Variants in SPHKAP observed in about 807,000 individuals in gnomAD.
SPHKAP encodes the protein A-kinase anchor protein SPHKAP.
A neutral mutation model predicts 137.5 loss-of-function variants in SPHKAP; 67 were observed. The ratio of observed to expected loss-of-function variants is 0.49; its 90% CI spans 0.40 to 0.60. SPHKAP has a LOEUF of 0.60. Ranked by LOEUF, SPHKAP falls within the 20% of genes least tolerant of loss-of-function variation. SPHKAP has a pLI of 0.00. For synonymous variants in SPHKAP, 813 were observed against 785.3 expected, an observed-to-expected ratio of 1.04 and a Z score of -0.59; for missense variants, 2,097 against 2,069.3, an observed-to-expected ratio of 1.01 and a Z score of -0.26.
At chr2:228,158,326 CTTT>C (rs55897294) in intron 1 of SPHKAP, among the ~76,000 whole-genome samples, 1 of 133,080 alleles carries the variant, frequency 7.5e-6, no homozygotes, top group Non-Finnish European at 1.6e-5. Flanking sequence ...TTACTTCTTT[CTTT>C]TTTTTTTTTT....
At chr2:228,150,579 ATT>A (rs1699897529) in intron 1 of SPHKAP, among the ~76,000 whole-genome samples, 1 of 152,066 alleles carries the variant, frequency 6.6e-6, no homozygotes, top group East Asian at 1.9e-4. Context: ...ATAATGTTAT[ATT>A]ATTGATAATA....
At chr2:228,041,456 C>T (rs1265502243) in intron 3 of SPHKAP, among the ~76,000 whole-genome samples, 2 of 151,940 alleles carry the variant, frequency 1.3e-5, no homozygotes, top group Non-Finnish European at 2.9e-5. Flanking sequence ...ACCAGCCTGG[C>T]CAACATGGCG....
At chr2:228,040,946 T>A (rs1045824942) in intron 3 of SPHKAP, among the ~76,000 whole-genome samples, 1 of 152,154 alleles carries the variant, frequency 6.6e-6, no homozygotes, top group African/African-American at 2.4e-5. Flanking sequence ...TTCCTGAAAG[T>A]AGGCCCTAAG....
intron 7 of SPHKAP, among the ~76,000 whole-genome samples, chr2:228,002,469 C>A (rs1267644657): frequency 6.6e-6 from 1 of 151,978 alleles, no homozygotes; most frequent in East Asian, 1.9e-4. Context: ...GGATATTAGC[C>A]CTTTGTCAGA....
At position 228,100,691 on chromosome 2, in the gene SPHKAP, C is replaced by A. The variant is rs145391994; in HGVS notation, c.246+8141G>T. Reference sequence around the variant, plus strand: ...CCAGCCCTGCATCTTAAAATTAAAGCCTACTTGATAGTAGTGAATCAACTT... The same window carrying A: ...CCAGCCCTGCATCTTAAAATTAAAGACTACTTGATAGTAGTGAATCAACTT... On this transcript the variant is annotated intron_variant, in intron 3 of 11. Transcript: ENST00000392056. Among the ~76,000 whole-genome samples, 43 of 152,226 alleles carry A rather than the reference C, an allele frequency of 2.8e-4. 1 individual carries two copies. The East Asian group carries it at 7.9e-3, about 28-fold the overall frequency.
intron 7 of SPHKAP, 111 bp downstream of exon 7, chr2:228,016,295 T>G: frequency 7.0e-7 from 1 of 1,437,208 alleles, no homozygotes. Flanking sequence ...GTCTTGAAAA[T>G]TTAGTTCTTG....
intron 11 of SPHKAP, 170 bp downstream of exon 11, chr2:227,990,830 T>C (rs1693385437): frequency 1.5e-6 from 1 of 679,534 alleles, no homozygotes; most frequent in African/African-American, 1.8e-5. Context: ...ACGCTAAGTA[T>C]ATTATATTTA....
chr2:228,153,006 G>A (rs1300751382), intron 1 of SPHKAP, among the ~76,000 whole-genome samples: 1 of 152,076 alleles, frequency 6.6e-6, no homozygotes, highest in Non-Finnish European at 1.5e-5. Context: ...GAGAGCTGAT[G>A]GTTTTATAAG....
At position 228,018,539 on chromosome 2, in the gene SPHKAP, G is replaced by T. The variant is rs201294750; in HGVS notation, c.2315C>A (p.Ser772Tyr). 20 of 1,613,884 alleles carry T rather than the reference G, an allele frequency of 1.2e-5. No homozygotes were observed. The African/African-American group carries it at 2.7e-4, about 22-fold the overall frequency. The change falls in exon 7 of 12, where the codon TCT becomes TAT. Residue 772 changes from serine to tyrosine, a missense_variant. Coordinates refer to ENST00000392056, the MANE Select transcript of SPHKAP (RefSeq NM_001142644.2). ...WTKATESSSSSPLSNSHNTSL... is the reference protein window; with the variant it reads ...WTKATESSSSYPLSNSHNTSL... The stretch of plus-strand genomic sequence containing the variant: ...CGTGTTGTGTGAATTGCTAAGTGGA[G>T]AGCTGCTGGAGGATTCAGTGGCTTT...
intron 3 of SPHKAP, among the ~76,000 whole-genome samples, chr2:228,071,485 T>C (rs913974975): frequency 2.0e-5 from 3 of 152,240 alleles, no homozygotes; most frequent in Non-Finnish European, 4.4e-5. Flanking sequence ...GTTCTCCGGC[T>C]TTACACTCTT....
rs138471958 is a variant in SPHKAP at position 228,018,967 on chromosome 2, C to T, written c.1887G>A (p.Arg629=). 1.1e-4 allele frequency: 184 copies of T among 1,614,144 alleles called. 1 individual carries two copies. In the East Asian group the frequency reaches 2.1e-3, roughly 19 times the overall value. Residue 629 remains arginine, a synonymous_variant, in exon 7 of 12, where the codon AGG becomes AGA. Transcript: ENST00000392056. The part of the protein sequence containing the change: ...LLKEAALVLT[R]PNTYSSIGDF... ...CTCCAATGCTGCTGTAGGTATTAGG[C>T]CTTGTTAAAACCAGAGCAGCCTCCT...
chr2:228,000,759 T>C (rs998064064), intron 7 of SPHKAP, among the ~76,000 whole-genome samples: 2 of 152,248 alleles, frequency 1.3e-5, no homozygotes, highest in African/African-American at 4.8e-5. Context: ...TTCTATTGTT[T>C]GGATGTACCA....
rs1345319152 is a variant in SPHKAP at position 228,017,616 on chromosome 2, C to G, written c.3238G>C (p.Ala1080Pro). The G allele has an allele frequency of 3.7e-6, 6 of 1,613,936 alleles. No homozygotes were observed. Among genetic ancestry groups the G allele is most frequent in the Non-Finnish European group, 3.4e-6 (4 of 1,180,036 alleles). ...LSGDRWSRLK[A>P]SSCESIPEED... Reference sequence around the variant, plus strand: ...TCAGGAATGCTTTCGCAGCTGGAGGCCTTCAGCCGGCTCCACCTGTCGCCA... The same window carrying G: ...TCAGGAATGCTTTCGCAGCTGGAGGGCTTCAGCCGGCTCCACCTGTCGCCA... Residue 1080 changes from alanine (A) to proline (P), a missense_variant, in exon 7 of 12, where the codon GCC (alanine) becomes CCC (proline). Ala to Pro is a conservative substitution (Grantham distance 27). Transcript: ENST00000392056.
chr2:228,178,414 T>G (rs1340575717), intron 1 of SPHKAP, among the ~76,000 whole-genome samples: 1 of 152,202 alleles, frequency 6.6e-6, no homozygotes, highest in African/African-American at 2.4e-5. Context: ...TAACACTTGA[T>G]AACACCTTAC....
At position 227,980,235 on chromosome 2, in the gene SPHKAP, G is replaced by A. The variant is rs543220532; in HGVS notation, c.*1482C>T. The A allele has an allele frequency of 1.1e-3, 167 of 152,416 alleles. No homozygotes were observed. Among genetic ancestry groups the A allele is most frequent in the African/African-American group, 3.8e-3 (157 of 41,562 alleles). The allele number at this position is 152,416 out of a possible 1,614,324, so 9.4% of individuals were successfully genotyped here. A position where few individuals can be genotyped will look rare whatever the true frequency, so the allele number is the denominator to read the frequency against. On this transcript the variant is annotated 3_prime_UTR_variant, in exon 12 of 12. Transcript: ENST00000392056. ...AATTAAGCATAATAACCTAAATTTG[G>A]ACTATCTGAATAAGAAATGCCTAAT...
At chr2:228,125,678 A>C (rs774016772) in intron 2 of SPHKAP, among the ~76,000 whole-genome samples, 13 of 152,340 alleles carry the variant, frequency 8.5e-5, no homozygotes, top group Admixed American at 3.3e-4. Flanking sequence ...ATTTTCACCT[A>C]GTTTTAAACA....
chr2:228,068,901 T>G (rs1375144830), intron 3 of SPHKAP, among the ~76,000 whole-genome samples: 1 of 152,186 alleles, frequency 6.6e-6, no homozygotes, highest in Non-Finnish European at 1.5e-5. Context: ...TTTCGAGTGG[T>G]GAGTAGGTTT....
chr2:228,032,620 C>A (rs1459256698), intron 3 of SPHKAP, among the ~76,000 whole-genome samples: 6 of 152,096 alleles, frequency 3.9e-5, no homozygotes, highest in Admixed American at 2.6e-4. Context: ...TTAAGGGCAG[C>A]CAGAGAGAAA....
chr2:227,980,654 C>CT lies in SPHKAP; in HGVS notation c.*1062dup, dbSNP rs889485590. 5.6e-4 allele frequency: 81 copies of CT among 145,936 alleles called. No individual in the cohort carries two copies. Among genetic ancestry groups the CT allele is most frequent in the African/African-American group, 1.8e-3 (73 of 41,110 alleles). The allele number at this position is 145,936 out of a possible 1,614,324, so 9.0% of individuals were successfully genotyped here. A position where few individuals can be genotyped will look rare whatever the true frequency, so the allele number is the denominator to read the frequency against. On this transcript the variant is annotated 3_prime_UTR_variant, in exon 12 of 12. Coordinates refer to ENST00000392056, the MANE Select transcript of SPHKAP (RefSeq NM_001142644.2). ...TACGAGTCAGGGAAAGTCTATGATC[C>CT]TAACTGATCATGTCAAACACAAGAC...
Sources: allele counts gnomAD v4.1 joint callset (sites outside exome capture counted in the v4.1 genomes callset), GRCh38; gene constraint gnomAD v4.1.1; transcripts MANE v1.5; gene names NCBI Gene and HGNC (gene_info 2026-07-23, HGNC 2026-07-21).